CAMSAP1: variants seen among roughly 807,000 people sequenced by gnomAD.
The protein encoded by CAMSAP1 is calmodulin-regulated spectrin-associated protein 1.
A neutral mutation model predicts 143.5 loss-of-function variants in CAMSAP1; 58 were observed. The ratio of observed to expected loss-of-function variants is 0.40; its 90% CI spans 0.33 to 0.50. The LOEUF is 0.50. CAMSAP1 is among the 20% of genes least tolerant of loss of function. The pLI is 0.45. For synonymous variants in CAMSAP1, 945 were observed against 859.3 expected (o/e 1.10, Z -1.74); for missense variants, 1,969 against 2,115.7 (o/e 0.93, Z 1.36).
rs140969071 is a variant in CAMSAP1 at position 135,824,018 on chromosome 9, C to A, written c.1332G>T (p.Ser444=). The stretch of plus-strand genomic sequence containing the variant: ...GACCATCAACTCGGGTCAAAGAATT[C>A]GATCGATGTCGCTGATCTGCAGTAC... ...GEDIPDQRHR[S]NSLTRVDGQP... is the part of the protein sequence containing the mutation. The change falls in exon 10 of 17, where the codon TCG becomes TCT. Residue 444 remains serine, a synonymous_variant. Coordinates refer to ENST00000389532, the MANE Select transcript of CAMSAP1 (RefSeq NM_015447.4). This position sits in a 1 kb window ranked among gnomAD's most constrained non-coding sequence, Gnocchi z 4.1. The A allele has an allele frequency of 1.4e-4, 215 of 1,583,542 alleles. No homozygotes were observed. Among genetic ancestry groups the A allele is most frequent in the Non-Finnish European group, 1.8e-4 (209 of 1,164,292 alleles).
intron 5 of CAMSAP1, among the ~76,000 whole-genome samples, chr9:135,858,888 G>T (rs1363239107): frequency 6.6e-6 from 1 of 152,220 alleles, no homozygotes. Flanking sequence ...CACTCAGTAA[G>T]GGAGAGAGAG....
chr9:135,859,318 A>G (rs1837088955), intron 5 of CAMSAP1, among the ~76,000 whole-genome samples: 2 of 152,134 alleles, frequency 1.3e-5, no homozygotes, highest in Admixed American at 1.3e-4. Flanking sequence ...TTACTAAATG[A>G]TCTGCTTTAT....
intron 7 of CAMSAP1, among the ~76,000 whole-genome samples, chr9:135,830,217 A>G (rs550414134): frequency 6.6e-6 from 1 of 152,364 alleles, no homozygotes; most frequent in African/African-American, 2.4e-5. Context: ...TTTCCTATCA[A>G]TAATTACTTC....
Position 135,822,274 on chromosome 9 carries a change from A to T in CAMSAP1, c.2387T>A (p.Leu796Gln), listed in dbSNP as rs769088443. Reference sequence around the variant, plus strand: ...ACTGCTCATCTGAGAGGCTGTGCTCAGGCAGGGGCTCGAGCGGCCGCTGGC... The same window carrying T: ...ACTGCTCATCTGAGAGGCTGTGCTCTGGCAGGGGCTCGAGCGGCCGCTGGC... ...DDASGRSSPC[L>Q]STASQMSSVS... Residue 796 changes from leucine (L) to glutamine (Q), a missense_variant, in exon 11 of 17, where the codon CTG becomes CAG. Physicochemically the swap from Leu to Gln is moderately radical, Grantham distance 113 (BLOSUM62 -2). Transcript: ENST00000389532. This position sits in a 1 kb window ranked among gnomAD's most constrained non-coding sequence, Gnocchi z 6.1. 6.2e-7 allele frequency: 1 copy of T among 1,614,022 alleles called. No homozygotes were observed. The highest frequency in any genetic ancestry group is 8.5e-7 in the Non-Finnish European group (1 of 1,179,892).
intron 1 of CAMSAP1, among the ~76,000 whole-genome samples, chr9:135,885,071 TGGAG>T (rs1020291420): frequency 6.6e-6 from 1 of 152,168 alleles, no homozygotes; most frequent in African/African-American, 2.4e-5. Context: ...TCAGGGCTCT[TGGAG>T]GGAGCTGCCT....
At chr9:135,876,105 G>T (rs1474609004) in intron 3 of CAMSAP1, among the ~76,000 whole-genome samples, 1 of 152,076 alleles carries the variant, frequency 6.6e-6, no homozygotes, top group African/African-American at 2.4e-5. Flanking sequence ...ACAGGCGCCC[G>T]CCATCACGCC....
chr9:135,865,233 CA>C (rs1837332652), intron 4 of CAMSAP1: 16 of 1,216,410 alleles, frequency 1.3e-5, no homozygotes, highest in Non-Finnish European at 1.8e-5. Context: ...ACAACAACAA[CA>C]AAAAAACAGT....
At chr9:135,846,813 A>G (rs1300277324) in intron 7 of CAMSAP1, among the ~76,000 whole-genome samples, 1 of 152,158 alleles carries the variant, frequency 6.6e-6, no homozygotes. Context: ...TAGAGAAATG[A>G]AAATCAAAAC....
rs750414827 is a variant in CAMSAP1 at position 135,821,782 on chromosome 9, TTCA to T, written c.2876_2878del (p.Val959_Lys960delinsGlu). 1.5e-5 allele frequency: 24 copies of T among 1,613,892 alleles called. 1 individual carries two copies. In the South Asian group the frequency reaches 2.6e-4, roughly 18 times the overall value. ...AAGGAGCTCCTCTCTCTGCTCCTCC[TTCA>T]CGAGAAAGTCTTCGGTTTTGGAAAC... is the stretch of plus-strand genomic sequence containing the variant. On this transcript the variant is annotated inframe_deletion, in exon 11 of 17. Transcript: ENST00000389532. This position sits in a 1 kb window ranked among gnomAD's most constrained non-coding sequence, Gnocchi z 4.6.
chr9:135,819,515 A>G (rs886551410), intron 11 of CAMSAP1, among the ~76,000 whole-genome samples: 2 of 151,976 alleles, frequency 1.3e-5, no homozygotes, highest in Admixed American at 1.3e-4. Context: ...CCTGCCCAAC[A>G]TGGCGAAACC....
At chr9:135,817,014 C>A (rs1307188220) in intron 14 of CAMSAP1, among the ~76,000 whole-genome samples, 1 of 152,102 alleles carries the variant, frequency 6.6e-6, no homozygotes, top group South Asian at 2.1e-4. Flanking sequence ...ATCAGCAGCG[C>A]GAGGCCTCAG....
chr9:135,825,307 T>TA (rs1835636097), intron 8 of CAMSAP1, among the ~76,000 whole-genome samples: 1 of 152,166 alleles, frequency 6.6e-6, no homozygotes, highest in Non-Finnish European at 1.5e-5. Context: ...CCCAATGTAC[T>TA]AAGCCACCAC....
Position 135,881,801 on chromosome 9 carries a change from G to A in CAMSAP1, c.424-7C>T. 6.4e-7 allele frequency: 1 copy of A among 1,551,822 alleles called. No homozygotes were observed. Among genetic ancestry groups the A allele is most frequent in the Non-Finnish European group, 8.7e-7 (1 of 1,146,948 alleles). On this transcript the variant is annotated splice_polypyrimidine_tract_variant and splice_region_variant and intron_variant, in intron 2 of 16. Coordinates refer to ENST00000389532, the MANE Select transcript of CAMSAP1 (RefSeq NM_015447.4). ...CCATTGCCATGTGGGCACTCTAGGG[G>A]CAGAGGCAGCAGCTATAATCCCTCA...
Position 135,818,418 on chromosome 9 carries a change from G to A in CAMSAP1, c.4158C>T (p.Cys1386=). The A allele has an allele frequency of 7.0e-6, 11 of 1,582,630 alleles. No homozygotes were observed. Among genetic ancestry groups the A allele is most frequent in the Non-Finnish European group, 9.4e-6 (11 of 1,170,152 alleles). The change falls in exon 13 of 17, where the codon TGC becomes TGT. Residue 1386 remains cysteine (C), a synonymous_variant. Coordinates refer to ENST00000389532, the MANE Select transcript of CAMSAP1 (RefSeq NM_015447.4). This position sits in a 1 kb window ranked among gnomAD's most constrained non-coding sequence, Gnocchi z 7.7. ...GCCGGGGCTGCTTACGGGTGGAGGA[G>A]CACTTGGTGCCGGAGTCGCTGCACG... ...EESCSDSGTK[C]SSTPDNLSRT...
At chr9:135,879,485 C>CCCAGA in intron 3 of CAMSAP1, among the ~76,000 whole-genome samples, 1 of 152,104 alleles carries the variant, frequency 6.6e-6, no homozygotes, top group Non-Finnish European at 1.5e-5. Context: ...TACCCAGAAT[C>CCCAGA]TGCAATTTTA....
Position 135,821,617 on chromosome 9 carries a change from A to T in CAMSAP1, c.3044T>A (p.Val1015Asp), listed in dbSNP as rs1314015218. 1 of 1,614,022 alleles carries T rather than the reference A, an allele frequency of 6.2e-7. No homozygotes were observed. The highest frequency in any genetic ancestry group is 1.3e-5 in the African/African-American group (1 of 75,072). Reference protein sequence around the residue: ...ALLEDTVGEVVDVNECDLSIE... With the variant: ...ALLEDTVGEVDDVNECDLSIE... ...GGAAAGGTCACATTCATTCACGTCG[A>T]CAACCTCCCCAACAGTGTCCTCCAG... Residue 1015 changes from valine to aspartate, a missense_variant, in exon 11 of 17, where the codon GTC (valine) becomes GAC (aspartate). Physicochemically the swap from Val to Asp is radical, Grantham distance 152 (BLOSUM62 -3). Coordinates refer to ENST00000389532, the MANE Select transcript of CAMSAP1 (RefSeq NM_015447.4). The surrounding 1 kb of genome is among the most constrained non-coding windows in gnomAD (Gnocchi z 4.6).
intron 1 of CAMSAP1, among the ~76,000 whole-genome samples, chr9:135,894,694 G>A (rs1282861011): frequency 6.6e-6 from 1 of 152,172 alleles, no homozygotes; most frequent in African/African-American, 2.4e-5. Flanking sequence ...ACCTGAACAA[G>A]GTGACTACTG....
In CAMSAP1 at chr9:135,811,150, T is replaced by C; in HGVS notation, c.*159A>G. On this transcript the variant is annotated 3_prime_UTR_variant, in exon 17 of 17. Transcript: ENST00000389532. This position sits in a 1 kb window ranked among gnomAD's most constrained non-coding sequence, Gnocchi z 4.9. Reference sequence around the variant, plus strand: ...CGCTGAGAGAGGGGTTTTCTTCTGCTGTCTAGAAACCTCTTTGCAAAAGGT... The same window carrying C: ...CGCTGAGAGAGGGGTTTTCTTCTGCCGTCTAGAAACCTCTTTGCAAAAGGT... 1.2e-6 allele frequency: 1 copy of C among 815,218 alleles called. No individual in the cohort carries two copies. The allele number at this position is 815,218 out of a possible 1,614,324, so 50.5% of individuals were successfully genotyped here.
At chr9:135,854,199 C>T (rs561860611) in intron 5 of CAMSAP1, among the ~76,000 whole-genome samples, 1 of 152,218 alleles carries the variant, frequency 6.6e-6, no homozygotes, top group South Asian at 2.1e-4. Flanking sequence ...CTCCTGAGTC[C>T]GTTTCCTTTG....
Sources: allele counts gnomAD v4.1 joint callset (sites outside exome capture counted in the v4.1 genomes callset), GRCh38; gene constraint gnomAD v4.1.1; non-coding constraint Gnocchi (gnomAD v3.1); transcripts MANE v1.5; gene names NCBI Gene and HGNC (gene_info 2026-07-23, HGNC 2026-07-21).